CHST9: variants seen among roughly 807,000 people sequenced by gnomAD.
CHST9 encodes GalNAc-4-sulfotransferase 2.
In CHST9, 41 loss-of-function variants were observed where a neutral mutation model predicts 44.4. The observed-to-expected ratio is 0.92, with a 90% confidence interval of 0.72 to 1.20. The LOEUF (loss-of-function observed/expected upper bound fraction) is 1.20, where lower values mean the gene tolerates loss of function less well. Ranked by LOEUF, CHST9 falls within the 50% of genes most tolerant of loss-of-function variation. The probability of loss-of-function intolerance (pLI) is 0.00; values close to 1 mark genes in which losing one functional copy is unlikely to be tolerated. For missense variants in CHST9, 504 were observed against 516.5 expected (o/e 0.98, Z 0.23); for synonymous variants, 171 against 178.4 (o/e 0.96, Z 0.33).
intron 2 of CHST9, among the ~76,000 whole-genome samples, chr18:27,126,389 T>G (rs1312253999): frequency 6.6e-6 from 1 of 152,138 alleles, no homozygotes; most frequent in Non-Finnish European, 1.5e-5. Flanking sequence ...CATGGTCTAG[T>G]GGGTTGAGTG....
intron 3 of CHST9, among the ~76,000 whole-genome samples, chr18:27,027,211 C>T (rs998562769): frequency 2.0e-5 from 3 of 152,176 alleles, no homozygotes; most frequent in African/African-American, 7.2e-5. Flanking sequence ...TCATCCTTAT[C>T]TAACTGAGAA....
intron 4 of CHST9, among the ~76,000 whole-genome samples, chr18:26,955,224 G>GTTTTTTTTTT (rs10573820): frequency 2.9e-5 from 4 of 138,446 alleles, no homozygotes; most frequent in Non-Finnish European, 6.3e-5. Flanking sequence ...CCAGAATTCT[G>GTTTTTTTTTT]TTTTTTTTTT....
intron 3 of CHST9, among the ~76,000 whole-genome samples, chr18:27,035,350 G>A (rs1022275704): frequency 2.0e-5 from 3 of 152,076 alleles, no homozygotes; most frequent in African/African-American, 4.8e-5. Context: ...TTAAATCATG[G>A]TTTTTGTTGT....
intron 5 of CHST9, among the ~76,000 whole-genome samples, chr18:26,927,908 T>G (rs143210015): frequency 0.013 from 1,959 of 152,268 alleles, 36 homozygotes; most frequent in African/African-American, 0.044. Flanking sequence ...CCTCGGACAA[T>G]ACCTGGCTTT....
rs759457536 is a variant in CHST9 at position 27,048,471 on chromosome 18, T to C, written c.154A>G (p.Thr52Ala). 2 of 1,607,380 alleles carry C rather than the reference T, an allele frequency of 1.2e-6. No homozygotes were observed. The highest frequency in any genetic ancestry group is 8.5e-7 in the Non-Finnish European group (1 of 1,177,018). ...RVEKRREQKV[T>A]SGWGPVKYLR... ...CCATTGGACAAAATCTTACCTGAAG[T>C]TACTTTTTGTTCTCTTCTCTTCTCC... The change falls in exon 3 of 6, where the codon ACT (threonine) becomes GCT (alanine). Residue 52 changes from threonine (T) to alanine (A), a missense_variant. Transcript: ENST00000618847.
intron 4 of CHST9, among the ~76,000 whole-genome samples, chr18:26,963,860 C>T (rs2056431283): frequency 6.6e-6 from 1 of 152,188 alleles, no homozygotes; most frequent in Non-Finnish European, 1.5e-5. Context: ...CGATATCATG[C>T]ACGTTTCATA....
Position 26,916,758 on chromosome 18 carries a change from A to C in CHST9, c.833T>G (p.Phe278Cys). 1 of 1,613,924 alleles carries C rather than the reference A, an allele frequency of 6.2e-7. No homozygotes were observed. The highest frequency in any genetic ancestry group is 1.1e-5 in the South Asian group (1 of 91,080). Residue 278 changes from phenylalanine (F) to cysteine (C), a missense_variant, in exon 6 of 6, where the codon TTT becomes TGT. By Grantham distance (205) the Phe-to-Cys change is radical (BLOSUM62 -2). Transcript: ENST00000618847. Reference sequence around the variant, plus strand: ...TAATCTTTCCATGGGATCACGAACAAACACAGCTTTGGTGTAAGTATTTAA... The same window carrying C: ...TAATCTTTCCATGGGATCACGAACACACACAGCTTTGGTGTAAGTATTTAA... ...TRLNTYTKAV[F>C]VRDPMERLVS...
chr18:26,938,425 A>C (rs2056031174), intron 5 of CHST9, among the ~76,000 whole-genome samples: 1 of 152,200 alleles, frequency 6.6e-6, no homozygotes. Context: ...TCAATTCTGA[A>C]GGTAATCTTA....
At chr18:26,959,867 G>C (rs1444936619) in intron 4 of CHST9, among the ~76,000 whole-genome samples, 1 of 152,098 alleles carries the variant, frequency 6.6e-6, no homozygotes, top group Non-Finnish European at 1.5e-5. Context: ...TTGAGGATGG[G>C]GGATCCTGGC....
intron 4 of CHST9, among the ~76,000 whole-genome samples, chr18:26,983,425 T>C (rs943108838): frequency 6.6e-6 from 1 of 152,060 alleles, no homozygotes; most frequent in Non-Finnish European, 1.5e-5. Context: ...TGTTTAAGTG[T>C]GTGGTATTTC....
intron 1 of CHST9, among the ~76,000 whole-genome samples, chr18:27,154,660 T>C (rs572646689): frequency 6.6e-6 from 1 of 152,270 alleles, no homozygotes; most frequent in African/African-American, 2.4e-5. Context: ...CTTTGGTTTA[T>C]ATGCACATCT....
At chr18:27,080,856 T>G (rs527496038) in intron 2 of CHST9, among the ~76,000 whole-genome samples, 1 of 152,240 alleles carries the variant, frequency 6.6e-6, no homozygotes, top group Non-Finnish European at 1.5e-5. Flanking sequence ...GAATGGCAGG[T>G]AGTAAAGAAG....
At chr18:27,095,255 T>G (rs545330141) in intron 2 of CHST9, among the ~76,000 whole-genome samples, 7 of 152,142 alleles carry the variant, frequency 4.6e-5, no homozygotes, top group Non-Finnish European at 8.8e-5. Context: ...TATTGTAAAT[T>G]TCCTCATCAT....
intron 2 of CHST9, among the ~76,000 whole-genome samples, chr18:27,071,988 G>A (rs1218742076): frequency 6.6e-6 from 1 of 152,154 alleles, no homozygotes; most frequent in Admixed American, 6.5e-5. Flanking sequence ...ATTTGACGGT[G>A]ATGCTGTTCC....
At chr18:26,995,746 C>T (rs1222978014) in intron 4 of CHST9, among the ~76,000 whole-genome samples, 1 of 152,084 alleles carries the variant, frequency 6.6e-6, no homozygotes, top group Non-Finnish European at 1.5e-5. Flanking sequence ...GATGAAAAAC[C>T]TAGGATGAAA....
At chr18:26,981,976 C>G (rs1389195997) in intron 4 of CHST9, among the ~76,000 whole-genome samples, 3 of 152,126 alleles carry the variant, frequency 2.0e-5, no homozygotes, top group Non-Finnish European at 4.4e-5. Context: ...TCCCACTTCC[C>G]AGTAAATCCT....
At chr18:26,976,785 G>A (rs1323516842) in intron 4 of CHST9, among the ~76,000 whole-genome samples, 2 of 152,212 alleles carry the variant, frequency 1.3e-5, no homozygotes, top group Middle Eastern at 3.4e-3. Context: ...GGGACAGGGG[G>A]CTGCTTTGCT....
At chr18:27,099,220 C>T (rs909923169) in intron 2 of CHST9, among the ~76,000 whole-genome samples, 5 of 152,054 alleles carry the variant, frequency 3.3e-5, no homozygotes, top group Admixed American at 6.5e-5. Flanking sequence ...TGTAAGACCT[C>T]GAACTACAAG....
chr18:26,978,291 G>T (rs2056650021), intron 4 of CHST9, among the ~76,000 whole-genome samples: 1 of 151,778 alleles, frequency 6.6e-6, no homozygotes, highest in African/African-American at 2.4e-5. Flanking sequence ...GTGTATGTGT[G>T]TGTGTGTGTG....
Sources: allele counts gnomAD v4.1 joint callset (sites outside exome capture counted in the v4.1 genomes callset), GRCh38; gene constraint gnomAD v4.1.1; transcripts MANE v1.5; gene names NCBI Gene and HGNC (gene_info 2026-07-23, HGNC 2026-07-21).